The following ERO1A variants were observed in gnomAD, a reference collection of about 807,000 sequenced individuals.
ERO1A encodes endoplasmic reticulum oxidoreductase 1 alpha.
A neutral mutation model predicts 76.9 loss-of-function variants in ERO1A; 49 were observed. The observed-to-expected ratio is 0.64, with a 90% CI of 0.51 to 0.81. The LOEUF is 0.81. Among genes scored for constraint, ERO1A ranks in the 30% least tolerant of loss-of-function variants. ERO1A has a pLI of 0.00. For missense variants in ERO1A, 448 were observed against 542.1 expected, an observed-to-expected ratio of 0.83 and a Z score of 1.72; for synonymous variants, 174 against 181.2, an observed-to-expected ratio of 0.96 and a Z score of 0.32.
intron 3 of ERO1A, among the ~76,000 whole-genome samples, chr14:52,681,312 A>C (rs1296943727): frequency 1.3e-5 from 2 of 152,154 alleles, no homozygotes; most frequent in Admixed American, 1.3e-4. Context: ...AAGGAATCGA[A>C]GCTGGGCATG....
intron 6 of ERO1A, among the ~76,000 whole-genome samples, chr14:52,666,863 G>A (rs1213066821): frequency 2.6e-5 from 4 of 152,142 alleles, no homozygotes; most frequent in Non-Finnish European, 4.4e-5. Context: ...CCCGGGAGGC[G>A]GAGGTTGCAG....
Position 52,695,430 on chromosome 14 carries a change from GC to G in ERO1A, c.51del (p.Leu18SerfsTer62). 6.4e-7 allele frequency: 1 copy of G among 1,553,310 alleles called. No homozygotes were observed. The highest frequency in any genetic ancestry group is 8.7e-7 in the Non-Finnish European group (1 of 1,149,972). ...TGCTCCTCTCCGTGGCCCGAGCTGA[GC>G]AGCCACACGGCGCCCAGGAGGCCAA... ...FLFGLLGAVW[L>X]LSSGHGEEQP... On this transcript the variant is annotated frameshift_variant, in exon 1 of 16. Transcript: ENST00000395686. LOFTEE classifies it high-confidence loss of function.
At chr14:52,645,263 G>A (rs1387600194) in intron 15 of ERO1A, among the ~76,000 whole-genome samples, 1 of 149,960 alleles carries the variant, frequency 6.7e-6, no homozygotes, top group East Asian at 1.9e-4. Context: ...AAAATTCAAT[G>A]AGTAATTATA....
chr14:52,664,998 G>A (rs2040361473), intron 7 of ERO1A, among the ~76,000 whole-genome samples: 1 of 151,960 alleles, frequency 6.6e-6, no homozygotes, highest in Non-Finnish European at 1.5e-5. Flanking sequence ...GGGCGTGGTG[G>A]CTCATGCCTG....
At position 52,641,447 on chromosome 14, in the gene ERO1A, A is replaced by G. The variant is rs1270027201; in HGVS notation, c.*2123T>C. On this transcript the variant is annotated 3_prime_UTR_variant, in exon 16 of 16. Transcript: ENST00000395686. ...AAACACTGCCTCTACTAAAAATACA[A>G]AAAAAAAAAAAAAAAAATTAGCCGG... 7.6e-4 allele frequency: 104 copies of G among 136,122 alleles called. No individual in the cohort carries two copies. The highest frequency in any genetic ancestry group is 2.9e-3 in the African/African-American group (98 of 33,450). 8.4% of individuals were successfully genotyped at this position (136,122 alleles called of 1,614,324 possible). A position where few individuals can be genotyped will look rare whatever the true frequency, so the allele number is the denominator to read the frequency against.
At chr14:52,667,571 A>C (rs1011743819) in intron 6 of ERO1A, among the ~76,000 whole-genome samples, 2 of 151,942 alleles carry the variant, frequency 1.3e-5, no homozygotes, top group South Asian at 4.2e-4. Flanking sequence ...AAAATACAAA[A>C]ATTAGCCAGG....
chr14:52,682,246 T>C (rs573223814), intron 3 of ERO1A, 79 bp downstream of exon 3: 5 of 1,175,484 alleles, frequency 4.3e-6, no homozygotes, highest in Non-Finnish European at 6.1e-6. Context: ...CAAAAAAAAA[T>C]TCTTAAATAA....
chr14:52,668,026 A>G (rs1466428232), intron 6 of ERO1A, among the ~76,000 whole-genome samples: 1 of 152,062 alleles, frequency 6.6e-6, no homozygotes, highest in Admixed American at 6.5e-5. Context: ...TTAGGGGGAA[A>G]TTTGCTTCTA....
intron 2 of ERO1A, among the ~76,000 whole-genome samples, chr14:52,683,175 C>T (rs1239228707): frequency 1.3e-5 from 2 of 152,026 alleles, no homozygotes; most frequent in African/African-American, 4.8e-5. Flanking sequence ...TGCCACTGCA[C>T]TCCAGCCTGG....
intron 2 of ERO1A, among the ~76,000 whole-genome samples, chr14:52,683,578 G>C (rs1315080555): frequency 6.6e-6 from 1 of 152,036 alleles, no homozygotes. Context: ...TAACCAACTA[G>C]ATTCTAACTC....
At chr14:52,645,770 G>A (rs959668219) in intron 15 of ERO1A, among the ~76,000 whole-genome samples, 6 of 151,866 alleles carry the variant, frequency 4.0e-5, no homozygotes, top group Admixed American at 1.3e-4. Flanking sequence ...TCGGGAGGTG[G>A]AGCCTGGCAG....
At chr14:52,649,746 C>T (rs939549176) in intron 13 of ERO1A, among the ~76,000 whole-genome samples, 2 of 151,904 alleles carry the variant, frequency 1.3e-5, no homozygotes, top group African/African-American at 4.8e-5. Context: ...GCTGTTTAGG[C>T]AGATTATATA....
At chr14:52,684,490 G>A (rs964854805) in intron 1 of ERO1A, among the ~76,000 whole-genome samples, 2 of 152,146 alleles carry the variant, frequency 1.3e-5, no homozygotes, top group African/African-American at 4.8e-5. Flanking sequence ...GGGTATCTGA[G>A]GGGTTTCCAG....
chr14:52,693,548 T>C (rs780496404), intron 1 of ERO1A, among the ~76,000 whole-genome samples: 7 of 152,162 alleles, frequency 4.6e-5, no homozygotes, highest in Non-Finnish European at 8.8e-5. Context: ...CCCGGACTAA[T>C]ACAGACCGGG....
At chr14:52,646,652 A>G (rs1021464237) in intron 13 of ERO1A, 191 bp from the exon 14 acceptor site, 3 of 468,580 alleles carry the variant, frequency 6.4e-6, no homozygotes, top group Non-Finnish European at 1.1e-5. Flanking sequence ...CTTCACCACA[A>G]ATCCAAAGGT....
At chr14:52,684,360 G>A (rs1474153744) in intron 1 of ERO1A, among the ~76,000 whole-genome samples, 1 of 152,094 alleles carries the variant, frequency 6.6e-6, no homozygotes, top group Non-Finnish European at 1.5e-5. Flanking sequence ...ACATGATCCA[G>A]TTGGCAAAGA....
chr14:52,652,211 A>G lies in ERO1A; in HGVS notation c.1125+28T>C, dbSNP rs1413986086. The G allele has an allele frequency of 3.8e-6, 5 of 1,313,340 alleles. No individual in the cohort carries two copies. The African/African-American group carries it at 7.2e-5, about 19-fold the overall frequency. 81.4% of individuals were successfully genotyped at this position (1,313,340 alleles called of 1,614,324 possible). A position where few individuals can be genotyped will look rare whatever the true frequency, so the allele number is the denominator to read the frequency against. ...TCTGCATAAGTGTTAATCAGTTTGT[A>G]TCTAACAGTTAAGTATAAAGTAATT... is the stretch of plus-strand genomic sequence containing the variant. On this transcript the variant is annotated intron_variant, in intron 13 of 15. Coordinates refer to ENST00000395686, the MANE Select transcript of ERO1A (RefSeq NM_014584.3).
intron 7 of ERO1A, among the ~76,000 whole-genome samples, chr14:52,665,159 G>A (rs539393241): frequency 5.9e-5 from 9 of 151,762 alleles, no homozygotes; most frequent in South Asian, 2.1e-4. Context: ...AAAATGAGCC[G>A]GGTGTGGTGG....
intron 11 of ERO1A, among the ~76,000 whole-genome samples, chr14:52,655,288 C>A (rs888192945): frequency 1.8e-4 from 27 of 152,042 alleles, no homozygotes; most frequent in African/African-American, 5.3e-4. Context: ...TTGCTTGAAT[C>A]CTGGAGGCAG....
Sources: allele counts gnomAD v4.1 joint callset (sites outside exome capture counted in the v4.1 genomes callset), GRCh38; gene constraint gnomAD v4.1.1; transcripts MANE v1.5; gene names NCBI Gene and HGNC (gene_info 2026-07-23, HGNC 2026-07-21).